Variants in SPAG9 observed in about 807,000 individuals in gnomAD.
SPAG9 encodes the protein C-Jun-amino-terminal kinase-interacting protein 4.
A neutral mutation model predicts 166.5 loss-of-function variants in SPAG9; 35 were observed. That is an observed-to-expected ratio of 0.21 (90% CI 0.16 to 0.28). The LOEUF (loss-of-function observed/expected upper bound fraction) is 0.28, where lower values mean the gene tolerates loss of function less well. Among genes scored for constraint, SPAG9 ranks in the 10% least tolerant of loss-of-function variants. The pLI, the probability that SPAG9 is intolerant of heterozygous loss-of-function variation, is 1.00. For missense variants in SPAG9, 1,235 were observed against 1,603.3 expected (o/e 0.77, Z 3.92); for synonymous variants, 534 against 565.5 (o/e 0.94, Z 0.79).
intron 28 of SPAG9, among the ~76,000 whole-genome samples, chr17:50,972,744 T>A (rs1377313743): frequency 6.6e-6 from 1 of 152,250 alleles, no homozygotes; most frequent in Non-Finnish European, 1.5e-5. Context: ...CAGGGATTCA[T>A]TCATGCATTA....
chr17:51,077,033 T>TATCTAGCTATCTAGCTAGCTATCTAG (rs1568065402), intron 2 of SPAG9, among the ~76,000 whole-genome samples: 2 of 94,488 alleles, frequency 2.1e-5, no homozygotes, highest in Non-Finnish European at 4.9e-5. Flanking sequence ...TAGCTATCTA[T>TATCTAGCTATCTAGCTAGCTATCTAG]CTAGCTATCT....
At chr17:51,072,839 A>G (rs1473236883) in intron 2 of SPAG9, among the ~76,000 whole-genome samples, 5 of 152,140 alleles carry the variant, frequency 3.3e-5, no homozygotes, top group Non-Finnish European at 5.9e-5. Context: ...TGGTTTTCCA[A>G]TAGTATAGGG....
intron 1 of SPAG9, among the ~76,000 whole-genome samples, chr17:51,115,634 C>A (rs1014852567): frequency 6.6e-6 from 1 of 151,244 alleles, no homozygotes; most frequent in African/African-American, 2.4e-5. Flanking sequence ...AGTTCAAGAC[C>A]AGCCTGACCA....
intron 8 of SPAG9, among the ~76,000 whole-genome samples, chr17:51,016,814 T>C (rs992703929): frequency 1.6e-4 from 24 of 152,260 alleles, no homozygotes; most frequent in East Asian, 1.2e-3. Context: ...GGCAGGAGAA[T>C]TGCTTGAACC....
At chr17:50,977,035 T>C in intron 27 of SPAG9, 73 bp downstream of exon 27, 1 of 955,030 alleles carries the variant, frequency 1.0e-6, no homozygotes, top group Non-Finnish European at 1.7e-6. Context: ...TAACACAGAT[T>C]TGAATTTCAG....
chr17:50,979,873 C>T lies in SPAG9; in HGVS notation c.3282G>A (p.Gln1094=). 6.2e-7 allele frequency: 1 copy of T among 1,614,192 alleles called. No individual in the cohort carries two copies. Among genetic ancestry groups the T allele is most frequent in the African/African-American group, 1.3e-5 (1 of 75,058 alleles). Residue 1094 remains glutamine (Q), a synonymous_variant, in exon 26 of 30, where the codon CAG becomes CAA. Coordinates refer to ENST00000262013, the MANE Select transcript of SPAG9 (RefSeq NM_001130528.3). ...ACACGCCATCCCCCACCCACGCAAGCTGTCGCACTTGGCTCTCCTTCCTGG... is the reference window on the plus strand; with the variant it reads ...ACACGCCATCCCCCACCCACGCAAGTTGTCGCACTTGGCTCTCCTTCCTGG... ...AHPRKESQVR[Q]LAWVGDGVWV...
At chr17:51,007,907 G>A (rs185625098) in intron 9 of SPAG9, 265 of 426,526 alleles carry the variant, frequency 6.2e-4, no homozygotes, top group Non-Finnish European at 6.2e-4. Context: ...AATGTTTTAC[G>A]TAAGAAACAG....
chr17:51,078,307 T>G (rs2144634272), intron 2 of SPAG9, among the ~76,000 whole-genome samples: 1 of 152,318 alleles, frequency 6.6e-6, no homozygotes, highest in East Asian at 1.9e-4. Context: ...CTCCTTGAAT[T>G]CTAGAATGCT....
chr17:51,093,710 A>G (rs1298592940), intron 1 of SPAG9, among the ~76,000 whole-genome samples: 4 of 150,982 alleles, frequency 2.6e-5, no homozygotes, highest in African/African-American at 4.9e-5. Context: ...AAAAAAAAAA[A>G]AAAAAGAAAA....
intron 9 of SPAG9, among the ~76,000 whole-genome samples, chr17:51,012,121 T>A (rs1466157079): frequency 6.6e-6 from 1 of 152,250 alleles, no homozygotes; most frequent in Non-Finnish European, 1.5e-5. Flanking sequence ...ATATACATTT[T>A]AAAATTCTTC....
At position 51,081,683 on chromosome 17, in the gene SPAG9, G is replaced by A. The variant is rs1346374982; in HGVS notation, c.304-1979C>T. ...CTTGAACTCGGGAGGCAGAGGTTGC[G>A]GTGAGCTGAGATCACGCCATTGCAC... On this transcript the variant is annotated intron_variant, in intron 1 of 29. Transcript: ENST00000262013. Among the ~76,000 whole-genome samples the A allele has an allele frequency of 6.0e-5, 9 of 150,108 alleles. No homozygotes were observed. The South Asian group carries it at 1.5e-3, about 25-fold the overall frequency.
chr17:51,016,137 T>C (rs752856431), intron 8 of SPAG9: 5 of 152,140 alleles, frequency 3.3e-5, no homozygotes, highest in African/African-American at 9.7e-5. Flanking sequence ...CCAACCCATA[T>C]AGTTCTTTAT....
intron 2 of SPAG9, among the ~76,000 whole-genome samples, chr17:51,071,846 C>G (rs981605894): frequency 4.6e-5 from 7 of 152,112 alleles, no homozygotes; most frequent in African/African-American, 1.7e-4. Flanking sequence ...AAAATATGTT[C>G]ATGAGAATTG....
chr17:50,984,677 C>T (rs749070317), intron 24 of SPAG9, among the ~76,000 whole-genome samples: 1 of 152,148 alleles, frequency 6.6e-6, no homozygotes, highest in Non-Finnish European at 1.5e-5. Flanking sequence ...CAGAGCGAGA[C>T]TCTGTCTCAA....
At chr17:51,008,993 C>A in intron 9 of SPAG9, 1 of 338,968 alleles carries the variant, frequency 3.0e-6, no homozygotes, top group Non-Finnish European at 5.7e-6. Context: ...GTTAGATAAG[C>A]GTGGAAGCTG....
chr17:51,105,994 G>A (rs1176708892), intron 1 of SPAG9, among the ~76,000 whole-genome samples: 2 of 152,058 alleles, frequency 1.3e-5, no homozygotes, highest in East Asian at 1.9e-4. Flanking sequence ...GCCAGGCGCA[G>A]TGGTTCATGT....
chr17:51,050,478 T>C (rs1052543985), intron 3 of SPAG9, among the ~76,000 whole-genome samples: 4 of 152,230 alleles, frequency 2.6e-5, no homozygotes, highest in African/African-American at 9.6e-5. Flanking sequence ...CTGGCCTGCC[T>C]GACTCAGTCA....
rs1403133462 is a variant in SPAG9, at chr17:50,984,949, G to A, written c.3062C>T (p.Thr1021Ile). ...CACTCCTCTGTGAAAGATTGCAAGG[G>A]TGCCGTCAGCCAGGGCTACTAACAC... ...GIVLVALADGTLAIFHRGVDG... is the reference protein window; with the variant it reads ...GIVLVALADGILAIFHRGVDG... Residue 1021 changes from threonine to isoleucine, a missense_variant, in exon 24 of 30, where the codon ACC becomes ATC. Thr to Ile is a moderately conservative substitution (Grantham distance 89, BLOSUM62 -1). Around this residue, in one of 6 missense-constraint regions of SPAG9, gnomAD observed 493 missense variants for 559.4 expected, o/e 0.88. Transcript: ENST00000262013. The A allele has an allele frequency of 5.0e-6, 8 of 1,614,114 alleles. No individual in the cohort carries two copies. Among genetic ancestry groups the A allele is most frequent in the Non-Finnish European group, 6.8e-6 (8 of 1,179,994 alleles).
Position 51,120,866 on chromosome 17 carries a change from G to C in SPAG9, c.-210C>G. Reference sequence around the variant, plus strand: ...CACCCCAACCGCCGCTGCACCAACTGCCGGGGCGGCCCGGCCGCGCGCGCC... The same window carrying C: ...CACCCCAACCGCCGCTGCACCAACTCCCGGGGCGGCCCGGCCGCGCGCGCC... On this transcript the variant is annotated 5_prime_UTR_variant, in exon 1 of 30. Transcript: ENST00000262013. This position sits in a 1 kb window ranked among gnomAD's most constrained non-coding sequence, Gnocchi z 4.7. The C allele has an allele frequency of 3.7e-6, 1 of 271,606 alleles. No individual in the cohort carries two copies. The highest frequency in any genetic ancestry group is 6.9e-6 in the Non-Finnish European group (1 of 145,836). 16.8% of individuals were successfully genotyped at this position (271,606 alleles called of 1,614,324 possible).
Sources: gnomAD v4.1 joint callset for allele counts (sites outside exome capture counted in the v4.1 genomes callset) on GRCh38, gnomAD v4.1.1 for gene constraint, gnomAD v4.1.1 regional missense constraint, Gnocchi (gnomAD v3.1) non-coding constraint, MANE v1.5 for transcripts, NCBI Gene and HGNC (gene_info 2026-07-23, HGNC 2026-07-21) for gene names.